Variants in DOK6 observed in about 807,000 individuals in gnomAD.
The protein encoded by DOK6 is docking protein 6.
Under a neutral mutation model 44.0 loss-of-function variants are expected in DOK6, and 22 were observed. The ratio of observed to expected loss-of-function variants is 0.50; its 90% CI spans 0.36 to 0.71. The LOEUF (loss-of-function observed/expected upper bound fraction) is 0.71, where lower values mean the gene tolerates loss of function less well. DOK6 is among the 30% of genes least tolerant of loss of function. The probability of loss-of-function intolerance (pLI) is 0.00; values close to 1 mark genes in which losing one functional copy is unlikely to be tolerated. For synonymous variants in DOK6, 166 were observed against 145.5 expected, an observed-to-expected ratio of 1.14 and a Z score of -1.01; for missense variants, 340 against 416.4, an observed-to-expected ratio of 0.82 and a Z score of 1.60.
intron 1 of DOK6, among the ~76,000 whole-genome samples, chr18:69,459,098 A>AC (rs1979711378): frequency 6.1e-5 from 3 of 49,078 alleles, no homozygotes; most frequent in African/African-American, 1.0e-4. Context: ...TCCCCCCAAC[A>AC]ACCCCCCCCC....
intron 1 of DOK6, among the ~76,000 whole-genome samples, chr18:69,462,072 T>C (rs538867744): frequency 1.3e-5 from 2 of 152,356 alleles, no homozygotes; most frequent in African/African-American, 4.8e-5. Flanking sequence ...TTGCTAATAA[T>C]TTTTCAAGTA....
chr18:69,771,480 T>C (rs1336130973), intron 7 of DOK6, among the ~76,000 whole-genome samples: 4 of 152,076 alleles, frequency 2.6e-5, no homozygotes, highest in Admixed American at 6.6e-5. Context: ...AGTAAGCACA[T>C]GTGTATATAA....
chr18:69,711,475 G>A (rs563403115), intron 5 of DOK6, among the ~76,000 whole-genome samples: 2 of 152,298 alleles, frequency 1.3e-5, no homozygotes, highest in Non-Finnish European at 2.9e-5. Context: ...TAAAAACAAA[G>A]CAATTAGTTG....
intron 7 of DOK6, among the ~76,000 whole-genome samples, chr18:69,784,968 A>G (rs192089993): frequency 9.1e-4 from 138 of 152,302 alleles, no homozygotes; most frequent in African/African-American, 3.1e-3. Context: ...CATAAACACT[A>G]CGGCAACACT....
chr18:69,577,242 A>G (rs1568301415), intron 2 of DOK6, among the ~76,000 whole-genome samples: 1 of 152,038 alleles, frequency 6.6e-6, no homozygotes, highest in Non-Finnish European at 1.5e-5. Context: ...CATGGGCATA[A>G]TGTTCTGTTG....
At chr18:69,772,542 G>A (rs979721191) in intron 7 of DOK6, among the ~76,000 whole-genome samples, 5 of 151,932 alleles carry the variant, frequency 3.3e-5, no homozygotes, top group South Asian at 4.1e-4. Flanking sequence ...GAACATAATA[G>A]CCCAGAAACA....
intron 6 of DOK6, among the ~76,000 whole-genome samples, chr18:69,740,228 G>A (rs769411776): frequency 6.6e-6 from 1 of 152,094 alleles, no homozygotes; most frequent in African/African-American, 2.4e-5. Context: ...CAATTAGAGA[G>A]GGCTGGTAAA....
chr18:69,807,603 T>C (rs773982263), intron 7 of DOK6, among the ~76,000 whole-genome samples: 3 of 151,922 alleles, frequency 2.0e-5, no homozygotes, highest in Non-Finnish European at 2.9e-5. Context: ...TAGAAAAACA[T>C]ATTCCATGCA....
chr18:69,747,371 G>A (rs934280293), intron 6 of DOK6, among the ~76,000 whole-genome samples: 2 of 152,192 alleles, frequency 1.3e-5, no homozygotes, highest in Middle Eastern at 3.4e-3. Flanking sequence ...TCATCACAGG[G>A]GGAAGAAAAG....
rs533599660 is a variant in DOK6 at position 69,848,482 on chromosome 18, C to T, written c.*7099C>T. 7 of 152,216 alleles carry T rather than the reference C, an allele frequency of 4.6e-5. No individual in the cohort carries two copies. The East Asian group carries it at 9.7e-4, about 21-fold the overall frequency. 9.4% of individuals were successfully genotyped at this position (152,216 alleles called of 1,614,324 possible). A position where few individuals can be genotyped will look rare whatever the true frequency, so the allele number is the denominator to read the frequency against. ...CTGTACTTAAAAACTAGCTGAACTA[C>T]GTTTTGGGATGAGATGCAAAGCAAC... On this transcript the variant is annotated 3_prime_UTR_variant, in exon 8 of 8. Coordinates refer to ENST00000382713, the MANE Select transcript of DOK6 (RefSeq NM_152721.6).
chr18:69,580,423 G>A (rs1423881400), intron 2 of DOK6, among the ~76,000 whole-genome samples: 2 of 152,122 alleles, frequency 1.3e-5, no homozygotes, highest in Non-Finnish European at 2.9e-5. Flanking sequence ...TCTGACTTCC[G>A]TTTCAGTGAC....
At chr18:69,530,238 C>G (rs574435000) in intron 1 of DOK6, among the ~76,000 whole-genome samples, 6 of 152,262 alleles carry the variant, frequency 3.9e-5, no homozygotes, top group African/African-American at 1.2e-4. Context: ...ATGTTGACTA[C>G]TGGACACCTT....
In DOK6 at chr18:69,459,125, A is replaced by G. The variant is rs572815260; in HGVS notation, c.66+57815A>G. Among the ~76,000 whole-genome samples the G allele has an allele frequency of 3.2e-4, 41 of 129,994 alleles. 1 individual carries two copies. The highest frequency in any genetic ancestry group is 1.0e-3 in the African/African-American group (35 of 34,780). The allele number at this position is 129,994 out of a possible 152,430, so 85.3% of individuals were successfully genotyped here. On this transcript the variant is annotated intron_variant, in intron 1 of 7. Coordinates refer to ENST00000382713, the MANE Select transcript of DOK6 (RefSeq NM_152721.6). ...CCCCCCCCCCAAAAAAAAGGAAGGA[A>G]GGAAGCAGAAATACTTAGAAATACC...
intron 2 of DOK6, among the ~76,000 whole-genome samples, chr18:69,582,162 G>T (rs934224458): frequency 2.6e-4 from 39 of 152,312 alleles, no homozygotes; most frequent in Admixed American, 8.5e-4. Flanking sequence ...CCTTTGTAAT[G>T]CCTGAAGCAG....
At chr18:69,507,186 G>C (rs752386416) in intron 1 of DOK6, among the ~76,000 whole-genome samples, 2 of 151,824 alleles carry the variant, frequency 1.3e-5, no homozygotes, top group East Asian at 1.9e-4. Flanking sequence ...TGCCACCGTG[G>C]CTTGCTAATT....
chr18:69,799,630 T>G (rs1029822785), intron 7 of DOK6, among the ~76,000 whole-genome samples: 1 of 152,108 alleles, frequency 6.6e-6, no homozygotes, highest in African/African-American at 2.4e-5. Context: ...AGAAAACTAC[T>G]TCCACAACAA....
At chr18:69,801,700 C>G (rs1394768672) in intron 7 of DOK6, among the ~76,000 whole-genome samples, 1 of 152,202 alleles carries the variant, frequency 6.6e-6, no homozygotes, top group Non-Finnish European at 1.5e-5. Context: ...CACGGTCCCT[C>G]TGGGCTGCCA....
At chr18:69,512,404 C>T (rs1344439253) in intron 1 of DOK6, among the ~76,000 whole-genome samples, 7 of 140,736 alleles carry the variant, frequency 5.0e-5, no homozygotes, top group African/African-American at 1.3e-4. Context: ...AATGCAATGG[C>T]GCAATCTTGG....
intron 1 of DOK6, among the ~76,000 whole-genome samples, chr18:69,435,560 T>C (rs1978953467): frequency 1.3e-5 from 2 of 152,190 alleles, no homozygotes; most frequent in African/African-American, 4.8e-5. Context: ...CTTAAACCTT[T>C]CTTAATTATG....
Sources: gnomAD v4.1 joint callset for allele counts (sites outside exome capture counted in the v4.1 genomes callset) on GRCh38, gnomAD v4.1.1 for gene constraint, MANE v1.5 for transcripts, NCBI Gene and HGNC (gene_info 2026-07-23, HGNC 2026-07-21) for gene names.